The following FAM241A variants were observed in gnomAD, a reference collection of about 807,000 sequenced individuals.
FAM241A encodes family with sequence similarity 241 member A, also known as uncharacterized protein FAM241A.
FAM241A carries 7 observed loss-of-function variants against 12.2 expected under a neutral mutation model. The ratio of observed to expected loss-of-function variants is 0.58; its 90% CI spans 0.33 to 1.08. The LOEUF (loss-of-function observed/expected upper bound fraction) is 1.08, where lower values mean the gene tolerates loss of function less well. Ranked by LOEUF, FAM241A falls within the 50% of genes least tolerant of loss-of-function variation. The probability of loss-of-function intolerance (pLI) is 0.04; values close to 1 mark genes in which losing one functional copy is unlikely to be tolerated. For missense variants in FAM241A, 161 were observed against 169.7 expected (o/e 0.95, Z 0.29); for synonymous variants, 74 against 68.2 (o/e 1.08, Z -0.42).
intron 1 of FAM241A, among the ~76,000 whole-genome samples, chr4:112,185,430 C>G (rs888535701): frequency 1.3e-5 from 2 of 152,156 alleles, no homozygotes; most frequent in African/African-American, 4.8e-5. Flanking sequence ...ATCAGAAACT[C>G]TAGTAGTAGG....
Position 112,191,789 on chromosome 4 carries a change from T to C in FAM241A, c.*4851T>C, listed in dbSNP as rs1457814939. 1.3e-5 allele frequency: 2 copies of C among 152,196 alleles called. No individual in the cohort carries two copies. Among genetic ancestry groups the C allele is most frequent in the East Asian group, 3.8e-4 (2 of 5,204 alleles). The allele number at this position is 152,196 out of a possible 1,614,324, so 9.4% of individuals were successfully genotyped here. On this transcript the variant is annotated 3_prime_UTR_variant, in exon 2 of 2. Transcript: ENST00000309733. ...CCTGTGCTTTCCAGGTCAGCACTTC[T>C]CATGCTATATTGCAATAGCTTATTT...
intron 1 of FAM241A, among the ~76,000 whole-genome samples, chr4:112,180,965 G>A (rs1389062811): frequency 6.6e-6 from 1 of 152,190 alleles, no homozygotes. Flanking sequence ...AGGAGTATAT[G>A]TGGAGAAATA....
chr4:112,181,501 G>T (rs748720914), intron 1 of FAM241A, among the ~76,000 whole-genome samples: 2 of 152,178 alleles, frequency 1.3e-5, no homozygotes, highest in Non-Finnish European at 2.9e-5. Context: ...GATATCAGTG[G>T]CCAGCAAAAA....
chr4:112,169,201 T>TA lies in FAM241A; in HGVS notation c.154-17491dup, dbSNP rs375398793. On this transcript the variant is annotated intron_variant, in intron 1 of 1. Transcript: ENST00000309733. ...ACTACCAGAAGAGCGGCATCAGTGA[T>TA]ATACTCAATGTTTTTAAGAATCAGT... Among the ~76,000 whole-genome samples, 85 of 152,308 alleles carry TA rather than the reference T, an allele frequency of 5.6e-4. 1 individual carries two copies. The East Asian group carries it at 0.013, about 24-fold the overall frequency.
intron 1 of FAM241A, among the ~76,000 whole-genome samples, chr4:112,182,924 T>C (rs1212702010): frequency 6.6e-6 from 1 of 152,142 alleles, no homozygotes; most frequent in Non-Finnish European, 1.5e-5. Flanking sequence ...ATCTCACTGA[T>C]TGAAGAATAT....
At chr4:112,148,163 G>A (rs538390578) in intron 1 of FAM241A, among the ~76,000 whole-genome samples, 1 of 152,062 alleles carries the variant, frequency 6.6e-6, no homozygotes, top group African/African-American at 2.4e-5. Context: ...ATTTGATGGA[G>A]GTTTCTTTCT....
chr4:112,186,472 G>C (rs1463588807), intron 1 of FAM241A, among the ~76,000 whole-genome samples: 1 of 152,182 alleles, frequency 6.6e-6, no homozygotes, highest in Non-Finnish European at 1.5e-5. Context: ...TGAAATCATG[G>C]TCACTCACAA....
chr4:112,150,909 T>G (rs1277143442), intron 1 of FAM241A, among the ~76,000 whole-genome samples: 1 of 152,226 alleles, frequency 6.6e-6, no homozygotes, highest in East Asian at 1.9e-4. Context: ...ATCTAGCATG[T>G]GAGTGTTAGC....
intron 1 of FAM241A, among the ~76,000 whole-genome samples, chr4:112,145,944 C>T (rs1397905720): frequency 1.3e-5 from 2 of 151,816 alleles, no homozygotes; most frequent in Admixed American, 1.3e-4. Flanking sequence ...CAGACGCCAG[C>T]GCCGGCCCCG....
In FAM241A at chr4:112,190,520, T is replaced by C. The variant is rs1301416900; in HGVS notation, c.*3582T>C. On this transcript the variant is annotated 3_prime_UTR_variant, in exon 2 of 2. Coordinates refer to ENST00000309733, the MANE Select transcript of FAM241A (RefSeq NM_152400.3). The stretch of plus-strand genomic sequence containing the variant: ...GACCAACATGGAGAAACCCCGTCTC[T>C]ACTAAAAAAAAAAAAAAAAAAATAC... 1.8e-5 allele frequency: 2 copies of C among 109,950 alleles called. No individual in the cohort carries two copies. The highest frequency in any genetic ancestry group is 9.6e-5 in the Admixed American group (1 of 10,412). 6.8% of individuals were successfully genotyped at this position (109,950 alleles called of 1,614,324 possible).
intron 1 of FAM241A, among the ~76,000 whole-genome samples, chr4:112,152,277 A>G (rs1475732801): frequency 6.6e-6 from 1 of 152,190 alleles, no homozygotes; most frequent in Admixed American, 6.5e-5. Context: ...ACTGACATCT[A>G]ATAGGAAAAG....
At chr4:112,164,894 T>C (rs554421584) in intron 1 of FAM241A, among the ~76,000 whole-genome samples, 2 of 152,290 alleles carry the variant, frequency 1.3e-5, no homozygotes, top group African/African-American at 4.8e-5. Flanking sequence ...GCAGATCACT[T>C]GAGCTCAGGA....
chr4:112,145,483 C>G lies in FAM241A; in HGVS notation c.-98C>G, dbSNP rs1423622440. 8.8e-7 allele frequency: 1 copy of G among 1,132,750 alleles called. No homozygotes were observed. Among genetic ancestry groups the G allele is most frequent in the Admixed American group, 4.5e-5 (1 of 22,134 alleles). The allele number at this position is 1,132,750 out of a possible 1,614,324, so 70.2% of individuals were successfully genotyped here. On this transcript the variant is annotated 5_prime_UTR_variant, in exon 1 of 2. Transcript: ENST00000309733. Reference sequence around the variant, plus strand: ...CGGCGGCTCCTGTCAGCGGCGGGTGCGGCGGATCCCAGGGCAGCCTTCGGG... The same window carrying G: ...CGGCGGCTCCTGTCAGCGGCGGGTGGGGCGGATCCCAGGGCAGCCTTCGGG...
chr4:112,179,959 G>A (rs527309517), intron 1 of FAM241A, among the ~76,000 whole-genome samples: 131 of 123,068 alleles, frequency 1.1e-3, no homozygotes, highest in African/African-American at 3.4e-3. Context: ...GTGTGTGTGT[G>A]TATATATATA....
rs987538077 is a variant in FAM241A, at chr4:112,195,097, CTT to C, written c.*8160_*8161del. The stretch of plus-strand genomic sequence containing the variant: ...TACATTTTAATTTTTACAAAAAACT[CTT>C]AAACTTTTTTGTGAGCAGAAATTCT... On this transcript the variant is annotated 3_prime_UTR_variant, in exon 2 of 2. Coordinates refer to ENST00000309733, the MANE Select transcript of FAM241A (RefSeq NM_152400.3). The C allele has an allele frequency of 6.6e-6, 1 of 152,180 alleles. No individual in the cohort carries two copies. The highest frequency in any genetic ancestry group is 1.5e-5 in the Non-Finnish European group (1 of 68,052). The allele number at this position is 152,180 out of a possible 1,614,324, so 9.4% of individuals were successfully genotyped here. A position where few individuals can be genotyped will look rare whatever the true frequency, so the allele number is the denominator to read the frequency against.
intron 1 of FAM241A, chr4:112,171,559 T>A (rs1467926692): frequency 1.4e-6 from 1 of 731,836 alleles, no homozygotes; most frequent in Non-Finnish European, 2.5e-6. Flanking sequence ...TTATGAAGAC[T>A]ATAAAATCTT....
At chr4:112,163,977 A>G (rs539720796) in intron 1 of FAM241A, among the ~76,000 whole-genome samples, 1 of 152,352 alleles carries the variant, frequency 6.6e-6, no homozygotes, top group South Asian at 2.1e-4. Flanking sequence ...ACATGGATGA[A>G]GCTGGAAACC....
rs1304149022 is a variant in FAM241A, at chr4:112,190,645, G to A, written c.*3707G>A. ...ACCCGGAAGCCAAAGTTTGCAGTGA[G>A]CCAAGATTATGCCCTTGCACTCAAT... On this transcript the variant is annotated 3_prime_UTR_variant, in exon 2 of 2. Transcript: ENST00000309733. The A allele has an allele frequency of 6.7e-6, 1 of 149,676 alleles. No individual in the cohort carries two copies. The highest frequency in any genetic ancestry group is 1.5e-5 in the Non-Finnish European group (1 of 67,832). The allele number at this position is 149,676 out of a possible 1,614,324, so 9.3% of individuals were successfully genotyped here.
At chr4:112,165,347 G>A (rs1723571974) in intron 1 of FAM241A, among the ~76,000 whole-genome samples, 1 of 152,116 alleles carries the variant, frequency 6.6e-6, no homozygotes, top group Non-Finnish European at 1.5e-5. Context: ...CAGTTTGGAG[G>A]TTCCTCAAAA....
Sources: allele counts gnomAD v4.1 joint callset (sites outside exome capture counted in the v4.1 genomes callset), GRCh38; gene constraint gnomAD v4.1.1; transcripts MANE v1.5; gene names NCBI Gene and HGNC (gene_info 2026-07-23, HGNC 2026-07-21).